The following CCSER1 variants were observed in gnomAD, a reference collection of about 807,000 sequenced individuals.
The protein encoded by CCSER1 is serine-rich coiled-coil domain-containing protein 1.
A neutral mutation model predicts 82.0 loss-of-function variants in CCSER1; 41 were observed. That is an observed-to-expected ratio of 0.50 (90% confidence interval 0.39 to 0.65). The LOEUF is 0.65. Ranked by LOEUF, CCSER1 falls within the 30% of genes least tolerant of loss-of-function variation. The pLI is 0.00. For missense variants in CCSER1, 1,119 were observed against 1,064.2 expected, an observed-to-expected ratio of 1.05 and a Z score of -0.72; for synonymous variants, 414 against 383.9, an observed-to-expected ratio of 1.08 and a Z score of -0.92.
intron 3 of CCSER1, among the ~76,000 whole-genome samples, chr4:90,371,273 TA>T (rs921106729): frequency 2.6e-5 from 4 of 151,952 alleles, no homozygotes; most frequent in South Asian, 2.1e-4. Flanking sequence ...GTCTTTTTTT[TA>T]AAATAACAAA....
chr4:91,602,709 A>ACAT lies in CCSER1; in HGVS notation c.*3653_*3655dup. Among the ~76,000 whole-genome samples, 1 of 152,164 alleles carries ACAT rather than the reference A, an allele frequency of 6.6e-6. No individual in the cohort carries two copies. Among genetic ancestry groups the ACAT allele is most frequent in the East Asian group, 1.9e-4 (1 of 5,184 alleles). On this transcript the variant is annotated 3_prime_UTR_variant, in exon 11 of 11. Transcript: ENST00000509176. ...AAAATAACCCTAAGATTCCATTGAA[A>ACAT]CATATACACACAGATGAAACTAGAA...
chr4:91,274,444 T>G (rs888251688), intron 10 of CCSER1, among the ~76,000 whole-genome samples: 1 of 152,160 alleles, frequency 6.6e-6, no homozygotes, highest in Non-Finnish European at 1.5e-5. Context: ...TAACTGTATG[T>G]TTATACCCAT....
intron 7 of CCSER1, among the ~76,000 whole-genome samples, chr4:90,810,998 A>G (rs1475830717): frequency 6.6e-6 from 1 of 151,482 alleles, no homozygotes; most frequent in Non-Finnish European, 1.5e-5. Flanking sequence ...GCGCCCAACT[A>G]ATTTTTTGTA....
Position 90,661,925 on chromosome 4 carries a change from A to G in CCSER1, c.1932+33693A>G, listed in dbSNP as rs1438209485. Among the ~76,000 whole-genome samples, 6 of 151,678 alleles carry G rather than the reference A, an allele frequency of 4.0e-5. 1 individual carries two copies. The highest frequency in any genetic ancestry group is 8.8e-5 in the Non-Finnish European group (6 of 67,912). On this transcript the variant is annotated intron_variant, in intron 6 of 10. Transcript: ENST00000509176. ...TTAAGAAAAAAAAAAAATTTATTTT[A>G]GGTCTGCTGTGTGATAGTTGACAAG...
intron 9 of CCSER1, among the ~76,000 whole-genome samples, chr4:91,077,604 G>A (rs1483287797): frequency 2.0e-5 from 3 of 152,164 alleles, no homozygotes; most frequent in Non-Finnish European, 4.4e-5. Flanking sequence ...TCTCACTGGG[G>A]CTTGCCAGAC....
intron 9 of CCSER1, among the ~76,000 whole-genome samples, chr4:91,085,466 T>C (rs559712735): frequency 7.9e-5 from 12 of 152,222 alleles, no homozygotes; most frequent in African/African-American, 2.9e-4. Context: ...GGTATGCTAA[T>C]AGAAGACAGA....
At chr4:91,233,002 G>A (rs564127083) in intron 10 of CCSER1, among the ~76,000 whole-genome samples, 1 of 151,872 alleles carries the variant, frequency 6.6e-6, no homozygotes, top group East Asian at 1.9e-4. Context: ...GCAATCTCTG[G>A]GGAGTGGAAC....
chr4:90,413,969 AAAAAAAAAAAAAATATAT>A (rs1454707977), intron 4 of CCSER1, among the ~76,000 whole-genome samples: 2 of 111,044 alleles, frequency 1.8e-5, no homozygotes, highest in African/African-American at 9.2e-5. Flanking sequence ...AAAAAAAAAA[AAAAAAAAAAAAAATATAT>A]ATATATATAT....
intron 6 of CCSER1, among the ~76,000 whole-genome samples, chr4:90,630,428 A>G (rs944441197): frequency 2.0e-5 from 3 of 152,236 alleles, no homozygotes; most frequent in Middle Eastern, 3.2e-3. Context: ...AGTGATATTC[A>G]CTATAAAGTC....
chr4:90,655,510 T>G (rs1729544218), intron 6 of CCSER1, among the ~76,000 whole-genome samples: 1 of 152,052 alleles, frequency 6.6e-6, no homozygotes, highest in Non-Finnish European at 1.5e-5. Context: ...TTTCCACCTA[T>G]GAAGGCAACA....
intron 10 of CCSER1, among the ~76,000 whole-genome samples, chr4:91,413,950 C>A (rs905958089): frequency 3.9e-5 from 6 of 151,936 alleles, no homozygotes; most frequent in African/African-American, 9.7e-5. Flanking sequence ...GAAAAGTGGT[C>A]TTTCATACGT....
At chr4:91,106,909 A>G (rs930552339) in intron 10 of CCSER1, among the ~76,000 whole-genome samples, 1 of 152,226 alleles carries the variant, frequency 6.6e-6, no homozygotes, top group Non-Finnish European at 1.5e-5. Context: ...ATTCAATCAA[A>G]TATAGCCGTG....
At chr4:91,529,929 C>T (rs1312018026) in intron 10 of CCSER1, among the ~76,000 whole-genome samples, 1 of 152,020 alleles carries the variant, frequency 6.6e-6, no homozygotes, top group East Asian at 1.9e-4. Flanking sequence ...ACATATTTTC[C>T]CTGAAGCAAT....
At chr4:91,508,130 T>TAGGACAG (rs1759608158) in intron 10 of CCSER1, among the ~76,000 whole-genome samples, 1 of 146,960 alleles carries the variant, frequency 6.8e-6, no homozygotes, top group Admixed American at 6.8e-5. Context: ...TAGAAGTGTC[T>TAGGACAG]AGGACAGAGA....
intron 10 of CCSER1, among the ~76,000 whole-genome samples, chr4:91,528,831 T>A (rs1338133397): frequency 1.3e-5 from 2 of 152,082 alleles, no homozygotes; most frequent in African/African-American, 4.8e-5. Flanking sequence ...AATACATCAT[T>A]CAGAGAAAGT....
At chr4:90,164,824 A>G (rs942702281) in intron 1 of CCSER1, among the ~76,000 whole-genome samples, 7 of 152,018 alleles carry the variant, frequency 4.6e-5, no homozygotes, top group Non-Finnish European at 8.8e-5. Flanking sequence ...CTCCCCAAAT[A>G]CACTTTGCTA....
At chr4:91,503,774 C>T (rs1358048754) in intron 10 of CCSER1, among the ~76,000 whole-genome samples, 1 of 152,082 alleles carries the variant, frequency 6.6e-6, no homozygotes, top group Non-Finnish European at 1.5e-5. Context: ...TAATTATATC[C>T]AGATGACTTA....
chr4:90,489,572 C>T (rs533652733), intron 5 of CCSER1, among the ~76,000 whole-genome samples: 16 of 152,098 alleles, frequency 1.1e-4, no homozygotes, highest in Middle Eastern at 3.4e-3. Context: ...GCACAATGTG[C>T]AGGTTTGTTA....
chr4:91,083,649 A>G (rs1723052281), intron 9 of CCSER1, among the ~76,000 whole-genome samples: 2 of 152,162 alleles, frequency 1.3e-5, no homozygotes, highest in Admixed American at 6.6e-5. Context: ...GTATAATATG[A>G]GAGAAATAGA....
Sources: gnomAD v4.1 joint callset for allele counts (sites outside exome capture counted in the v4.1 genomes callset) on GRCh38, gnomAD v4.1.1 for gene constraint, MANE v1.5 for transcripts, NCBI Gene and HGNC (gene_info 2026-07-23, HGNC 2026-07-21) for gene names.